TMEM132D: variants seen among roughly 807,000 people sequenced by gnomAD.
The protein encoded by TMEM132D is mature OL transmembrane protein.
A neutral mutation model predicts 62.3 loss-of-function variants in TMEM132D; 21 were observed. The ratio of observed to expected loss-of-function variants is 0.34; its 90% confidence interval spans 0.24 to 0.49. TMEM132D has a LOEUF of 0.49. Among genes scored for constraint, TMEM132D ranks in the 20% least tolerant of loss-of-function variants. TMEM132D has a pLI of 0.99. For synonymous variants in TMEM132D, 621 were observed against 575.6 expected (o/e 1.08, Z -1.13); for missense variants, 1,346 against 1,402.8 (o/e 0.96, Z 0.65).
intron 3 of TMEM132D, among the ~76,000 whole-genome samples, chr12:129,355,568 T>C (rs972937367): frequency 2.0e-5 from 3 of 152,184 alleles, no homozygotes; most frequent in South Asian, 4.1e-4. Flanking sequence ...TGAACGACCC[T>C]TTCCTTGGAG....
At chr12:129,146,392 CT>C (rs1473630866) in intron 5 of TMEM132D, among the ~76,000 whole-genome samples, 1 of 152,210 alleles carries the variant, frequency 6.6e-6, no homozygotes, top group Non-Finnish European at 1.5e-5. Flanking sequence ...GTCACTAGAG[CT>C]TCCCTACTGG....
intron 2 of TMEM132D, among the ~76,000 whole-genome samples, chr12:129,672,484 A>G (rs1357396163): frequency 2.0e-5 from 3 of 152,146 alleles, no homozygotes; most frequent in African/African-American, 7.2e-5. Flanking sequence ...GTGGTACAAC[A>G]GTTAGTGTTC....
chr12:129,531,044 C>A lies in TMEM132D; in HGVS notation c.1115+15G>T. 6.3e-7 allele frequency: 1 copy of A among 1,599,440 alleles called. No individual in the cohort carries two copies. ...GCAGCTGATCTGAATATATCGGAGGCCAGTTGGGACTCACCTGTTTTCTGA... is the reference window on the plus strand; with the variant it reads ...GCAGCTGATCTGAATATATCGGAGGACAGTTGGGACTCACCTGTTTTCTGA... On this transcript the variant is annotated intron_variant, in intron 3 of 8. Coordinates refer to ENST00000422113, the MANE Select transcript of TMEM132D (RefSeq NM_133448.3).
At chr12:129,824,748 C>A (rs1172393015) in intron 1 of TMEM132D, among the ~76,000 whole-genome samples, 1 of 152,136 alleles carries the variant, frequency 6.6e-6, no homozygotes, top group African/African-American at 2.4e-5. Context: ...GTTGTTTGAG[C>A]CACCCAGTCT....
In TMEM132D at chr12:129,543,408, A is replaced by ATG. The variant is rs1205314864; in HGVS notation, c.969-12204_969-12203insCA. On this transcript the variant is annotated intron_variant, in intron 2 of 8. Coordinates refer to ENST00000422113, the MANE Select transcript of TMEM132D (RefSeq NM_133448.3). ...TGGATGGATGGATGGATGGATGGAT[A>ATG]GACAGATAGATAGATATTCCTCAAC... Among the ~76,000 whole-genome samples, 164 of 151,600 alleles carry ATG rather than the reference A, an allele frequency of 1.1e-3. 1 individual carries two copies. Among genetic ancestry groups the ATG allele is most frequent in the Non-Finnish European group, 2.1e-3 (144 of 67,856 alleles).
chr12:129,407,876 C>G (rs555262195), intron 3 of TMEM132D, among the ~76,000 whole-genome samples: 9 of 143,632 alleles, frequency 6.3e-5, no homozygotes, highest in African/African-American at 5.3e-5. Flanking sequence ...GGCAACAGAG[C>G]GAGACTCCGA....
At chr12:129,501,565 T>C (rs1593040035) in intron 3 of TMEM132D, among the ~76,000 whole-genome samples, 1 of 151,920 alleles carries the variant, frequency 6.6e-6, no homozygotes, top group Admixed American at 6.6e-5. Flanking sequence ...GAGTGCAGGG[T>C]GTGACCACGG....
chr12:129,646,791 A>G lies in TMEM132D; in HGVS notation c.968+53019T>C, dbSNP rs1443356900. ...CACAAAGATATAAACACACATATAA[A>G]TAACATGCATTTTTTTTTTTTTTTT... On this transcript the variant is annotated intron_variant, in intron 2 of 8. Coordinates refer to ENST00000422113, the MANE Select transcript of TMEM132D (RefSeq NM_133448.3). Among the ~76,000 whole-genome samples the G allele has an allele frequency of 1.3e-4, 18 of 138,594 alleles. No individual in the cohort carries two copies. In the East Asian group the frequency reaches 3.9e-3, roughly 30 times the overall value. 90.9% of individuals were successfully genotyped at this position (138,594 alleles called of 152,430 possible).
At chr12:129,269,684 AC>A (rs35033687) in intron 4 of TMEM132D, among the ~76,000 whole-genome samples, 13,860 of 148,030 alleles carry the variant, frequency 0.094, 802 homozygotes, top group Admixed American at 0.18. Context: ...ACTTAACAAA[AC>A]CCCCCCAGTT....
chr12:129,809,306 T>TC lies in TMEM132D; in HGVS notation c.79+93954dup, dbSNP rs1555233115. 5.0e-3 allele frequency among the ~76,000 whole-genome samples: 202 copies of TC among 40,682 alleles called. 4 individuals are homozygous for TC. The highest frequency in any genetic ancestry group is 0.015 in the Middle Eastern group (1 of 66). 26.7% of individuals were successfully genotyped at this position (40,682 alleles called of 152,430 possible). On this transcript the variant is annotated intron_variant, in intron 1 of 8. Transcript: ENST00000422113. ...CTGGGCGACAGAGCGAGACTCCATA[T>TC]CAAAAAAAAAAAAAAAAATTTTTTT... is the stretch of plus-strand genomic sequence containing the variant.
chr12:129,854,254 G>A (rs1002381272), intron 1 of TMEM132D, among the ~76,000 whole-genome samples: 2 of 152,162 alleles, frequency 1.3e-5, no homozygotes, highest in Admixed American at 1.3e-4. Context: ...ACTGTCCTTA[G>A]CTGTTTCCAA....
chr12:129,519,614 T>TG (rs1204535855), intron 3 of TMEM132D, among the ~76,000 whole-genome samples: 1 of 151,186 alleles, frequency 6.6e-6, no homozygotes, highest in Non-Finnish European at 1.5e-5. Flanking sequence ...AGAATGCTTT[T>TG]TTTTTTTTCT....
intron 3 of TMEM132D, among the ~76,000 whole-genome samples, chr12:129,501,514 T>A (rs940006138): frequency 4.6e-5 from 7 of 152,150 alleles, no homozygotes; most frequent in Non-Finnish European, 8.8e-5. Flanking sequence ...TAATTTTTTT[T>A]ATTTTTTTTT....
At chr12:129,819,461 G>A (rs1461842388) in intron 1 of TMEM132D, among the ~76,000 whole-genome samples, 3 of 152,106 alleles carry the variant, frequency 2.0e-5, no homozygotes, top group Non-Finnish European at 4.4e-5. Context: ...CAAGCCCCCA[G>A]TTCCACCAGG....
chr12:129,752,898 C>A (rs1184508473), intron 1 of TMEM132D, among the ~76,000 whole-genome samples: 1 of 152,158 alleles, frequency 6.6e-6, no homozygotes, highest in Non-Finnish European at 1.5e-5. Flanking sequence ...GACATTTCCA[C>A]CAAAACTTCA....
chr12:129,701,015 T>C (rs1380673194), intron 1 of TMEM132D, among the ~76,000 whole-genome samples: 1 of 152,206 alleles, frequency 6.6e-6, no homozygotes, highest in Non-Finnish European at 1.5e-5. Context: ...TGGTAAAGAC[T>C]TGCTCTTTTT....
At chr12:129,258,490 C>A (rs924616308) in intron 4 of TMEM132D, among the ~76,000 whole-genome samples, 2 of 152,116 alleles carry the variant, frequency 1.3e-5, no homozygotes, top group Admixed American at 1.3e-4. Flanking sequence ...CTTGTGAACA[C>A]CCATTGGGAG....
At chr12:129,327,152 T>C (rs992439239) in intron 4 of TMEM132D, among the ~76,000 whole-genome samples, 11 of 152,142 alleles carry the variant, frequency 7.2e-5, no homozygotes, top group African/African-American at 2.7e-4. Context: ...AAGGGACTTC[T>C]ATCTGACCTC....
chr12:129,510,863 T>C (rs1875476461), intron 3 of TMEM132D, among the ~76,000 whole-genome samples: 1 of 152,216 alleles, frequency 6.6e-6, no homozygotes, highest in Non-Finnish European at 1.5e-5. Flanking sequence ...ACTGTTGGTA[T>C]ATGGATTTAC....
Sources: allele counts gnomAD v4.1 joint callset (sites outside exome capture counted in the v4.1 genomes callset), GRCh38; gene constraint gnomAD v4.1.1; transcripts MANE v1.5; gene names NCBI Gene and HGNC (gene_info 2026-07-23, HGNC 2026-07-21).